ANAPC10: variants seen among roughly 807,000 people sequenced by gnomAD.
ANAPC10 encodes anaphase-promoting complex subunit 10.
In ANAPC10, 12 loss-of-function variants were observed where a neutral mutation model predicts 22.0. The observed-to-expected ratio is 0.55, with a 90% CI of 0.35 to 0.88. The LOEUF (loss-of-function observed/expected upper bound fraction) is 0.88, where lower values mean the gene tolerates loss of function less well. Ranked by LOEUF, ANAPC10 falls within the 40% of genes least tolerant of loss-of-function variation. The pLI is 0.01. For synonymous variants in ANAPC10, 65 were observed against 69.5 expected (o/e 0.94, Z 0.32); for missense variants, 188 against 220.9 (o/e 0.85, Z 0.94).
chr4:145,052,228 T>C (rs536894057), intron 4 of ANAPC10, among the ~76,000 whole-genome samples: 1 of 152,294 alleles, frequency 6.6e-6, no homozygotes, highest in South Asian at 2.1e-4. Flanking sequence ...ATATATTGTA[T>C]ACTTGAAAAT....
intron 3 of ANAPC10, among the ~76,000 whole-genome samples, chr4:145,081,282 A>G (rs1025099020): frequency 6.6e-6 from 1 of 152,070 alleles, no homozygotes; most frequent in Non-Finnish European, 1.5e-5. Context: ...AGTTATATGA[A>G]TATTCCACAG....
In ANAPC10 at chr4:145,064,558, T is replaced by G. The variant is rs1318502148; in HGVS notation, c.327+14A>C. The G allele has an allele frequency of 6.3e-7, 1 of 1,595,546 alleles. No homozygotes were observed. Among genetic ancestry groups the G allele is most frequent in the South Asian group, 1.1e-5 (1 of 87,920 alleles). ...TTAAAGGATGACATATTTTTAAAAA[T>G]TTGAAAGACATACCCGAATTTCTTG... On this transcript the variant is annotated intron_variant, in intron 4 of 4. Coordinates refer to ENST00000507656, the MANE Select transcript of ANAPC10 (RefSeq NM_001256706.2).
intron 4 of ANAPC10, chr4:144,999,139 A>G (rs1239903494): frequency 6.6e-6 from 1 of 152,222 alleles, no homozygotes; most frequent in Non-Finnish European, 1.5e-5. Flanking sequence ...CTACCAACCA[A>G]AACAAGTCTA....
intron 2 of ANAPC10, among the ~76,000 whole-genome samples, chr4:145,093,980 ATCAGTTTTGCCTTATTCTACTGG>A (rs1294840435): frequency 6.6e-6 from 1 of 152,224 alleles, no homozygotes; most frequent in Non-Finnish European, 1.5e-5. Context: ...GTCATATACC[ATCAGTTTTGCCTTATTCTACTGG>A]TCCCAGAAAC....
chr4:145,009,233 A>G (rs1480535711), intron 4 of ANAPC10, among the ~76,000 whole-genome samples: 2 of 152,164 alleles, frequency 1.3e-5, no homozygotes, highest in African/African-American at 4.8e-5. Flanking sequence ...GGAAGAATCA[A>G]TATCATGAAA....
At chr4:145,038,583 G>A (rs2127115789) in intron 4 of ANAPC10, among the ~76,000 whole-genome samples, 1 of 152,152 alleles carries the variant, frequency 6.6e-6, no homozygotes, top group Middle Eastern at 3.4e-3. Flanking sequence ...CCAGCATTTT[G>A]GGAGGCCAAG....
chr4:145,058,515 G>A (rs552213766), intron 4 of ANAPC10, among the ~76,000 whole-genome samples: 34 of 152,258 alleles, frequency 2.2e-4, no homozygotes, highest in African/African-American at 8.2e-4. Flanking sequence ...AGTGCTCAAA[G>A]GCAGAAACTG....
intron 4 of ANAPC10, among the ~76,000 whole-genome samples, chr4:145,052,671 G>T (rs544521274): frequency 6.6e-6 from 1 of 152,092 alleles, no homozygotes; most frequent in East Asian, 1.9e-4. Flanking sequence ...AGGCTCAGGC[G>T]GGCACAGATC....
chr4:145,034,157 A>C (rs570763982), intron 4 of ANAPC10, among the ~76,000 whole-genome samples: 57 of 152,292 alleles, frequency 3.7e-4, no homozygotes, highest in African/African-American at 1.2e-3. Context: ...GTTAATACTG[A>C]AAGTCAACTT....
chr4:145,052,374 C>T (rs939412188), intron 4 of ANAPC10, among the ~76,000 whole-genome samples: 10 of 152,084 alleles, frequency 6.6e-5, no homozygotes, highest in African/African-American at 2.4e-4. Flanking sequence ...CATAAATATA[C>T]ACAATTTTCT....
chr4:145,009,753 TAG>T (rs1300380420), intron 4 of ANAPC10, among the ~76,000 whole-genome samples: 2 of 152,142 alleles, frequency 1.3e-5, no homozygotes, highest in Non-Finnish European at 2.9e-5. Context: ...ATTCAGGACA[TAG>T]GCATGGGCAA....
intron 4 of ANAPC10, among the ~76,000 whole-genome samples, chr4:145,001,747 G>T (rs891157093): frequency 6.6e-6 from 1 of 152,100 alleles, no homozygotes; most frequent in East Asian, 1.9e-4. Flanking sequence ...ATCCATTAGA[G>T]TTTCTCTATG....
chr4:145,059,071 A>G (rs1742496955), intron 4 of ANAPC10, among the ~76,000 whole-genome samples: 1 of 152,090 alleles, frequency 6.6e-6, no homozygotes, highest in Admixed American at 6.6e-5. Flanking sequence ...TATCAAACCA[A>G]TTTATGTTTA....
intron 4 of ANAPC10, among the ~76,000 whole-genome samples, chr4:145,000,528 C>T (rs1412091847): frequency 6.6e-6 from 1 of 152,138 alleles, no homozygotes; most frequent in Non-Finnish European, 1.5e-5. Context: ...GAATGGCAAT[C>T]ATTAAAAAGT....
chr4:145,007,362 A>C (rs1441742985), intron 4 of ANAPC10, among the ~76,000 whole-genome samples: 1 of 152,146 alleles, frequency 6.6e-6, no homozygotes, highest in East Asian at 1.9e-4. Context: ...CCACACGCTT[A>C]TTCCAAAATT....
intron 4 of ANAPC10, among the ~76,000 whole-genome samples, chr4:145,024,559 T>C (rs1477719165): frequency 6.6e-6 from 1 of 152,202 alleles, no homozygotes; most frequent in Non-Finnish European, 1.5e-5. Flanking sequence ...ACTAGGTACA[T>C]TGTCAATGAG....
At chr4:145,089,235 T>A (rs910736382) in intron 2 of ANAPC10, among the ~76,000 whole-genome samples, 3 of 152,150 alleles carry the variant, frequency 2.0e-5, no homozygotes, top group Admixed American at 6.5e-5. Flanking sequence ...AATAAAAATT[T>A]AGTGATTTTT....
At chr4:145,085,982 C>T (rs1746834672) in intron 2 of ANAPC10, among the ~76,000 whole-genome samples, 1 of 151,828 alleles carries the variant, frequency 6.6e-6, no homozygotes, top group Non-Finnish European at 1.5e-5. Flanking sequence ...CCAGAAGTGA[C>T]TGTTGCAGGT....
intron 2 of ANAPC10, among the ~76,000 whole-genome samples, chr4:145,084,138 T>C (rs1485083243): frequency 2.6e-5 from 4 of 152,204 alleles, no homozygotes; most frequent in Non-Finnish European, 4.4e-5. Flanking sequence ...ATTCAGTCAC[T>C]ATTATGGATA....
Sources: gnomAD v4.1 joint callset for allele counts (sites outside exome capture counted in the v4.1 genomes callset) on GRCh38, gnomAD v4.1.1 for gene constraint, MANE v1.5 for transcripts, NCBI Gene and HGNC (gene_info 2026-07-23, HGNC 2026-07-21) for gene names.